The following ZEB2 variants were observed in gnomAD, a reference collection of about 807,000 sequenced individuals.
ZEB2 encodes zinc finger E-box-binding homeobox 2.
Under a neutral mutation model 99.9 loss-of-function variants are expected in ZEB2, and 6 were observed. The ratio of observed to expected loss-of-function variants is 0.06; its 90% CI spans 0.03 to 0.12. The LOEUF (loss-of-function observed/expected upper bound fraction) is 0.12. Among genes scored for constraint, ZEB2 ranks in the 10% least tolerant of loss-of-function variants. The pLI, the probability that ZEB2 is intolerant of heterozygous loss-of-function variation, is 1.00. For missense variants in ZEB2, 969 were observed against 1,502.8 expected, an observed-to-expected ratio of 0.64 and a Z score of 5.87; for synonymous variants, 517 against 542.5, an observed-to-expected ratio of 0.95 and a Z score of 0.65.
In ZEB2 at chr2:144,390,042, C is replaced by G. The variant is rs751452773; in HGVS notation, c.3068-14G>C. 1.3e-6 allele frequency: 2 copies of G among 1,599,352 alleles called. No individual in the cohort carries two copies. The highest frequency in any genetic ancestry group is 4.5e-5 in the East Asian group (2 of 44,878). Reference sequence around the variant, plus strand: ...GTGGTCTTTTTCCTGGGAGAAAGAACAAGATGACAGGGTGATTAGTGTCTT... The same window carrying G: ...GTGGTCTTTTTCCTGGGAGAAAGAAGAAGATGACAGGGTGATTAGTGTCTT... On this transcript the variant is annotated splice_polypyrimidine_tract_variant and intron_variant, in intron 9 of 9. Coordinates refer to ENST00000627532, the MANE Select transcript of ZEB2 (RefSeq NM_014795.4).
chr2:144,406,248 A>C (rs1703384963), intron 4 of ZEB2, among the ~76,000 whole-genome samples: 1 of 152,198 alleles, frequency 6.6e-6, no homozygotes, highest in Non-Finnish European at 1.5e-5. Flanking sequence ...TAATTCAACA[A>C]GTATTTTCTG....
intron 2 of ZEB2, chr2:144,503,566 A>G (rs1370889866): frequency 6.6e-6 from 1 of 152,158 alleles, no homozygotes; most frequent in Non-Finnish European, 1.5e-5. Context: ...ATCTAGTAAA[A>G]ACACCAGCCC....
rs1703346853 is a variant in ZEB2, at chr2:144,403,938, G to A, written c.785C>T (p.Thr262Ile). ...YRTQLERHMV[T>I]HKPGTDQHQM... is the part of the protein sequence containing the mutation. ...CACCTGATCTGTCCCTGGCTTGTGT[G>A]TCACCATATGCCGCTCGAGCTGGGT... is the stretch of plus-strand genomic sequence containing the variant. Residue 262 changes from threonine to isoleucine, a missense_variant, in exon 6 of 10, where the codon ACA (threonine) becomes ATA (isoleucine). Physicochemically the swap from Thr to Ile is moderately conservative, Grantham distance 89 (BLOSUM62 -1). Coordinates refer to ENST00000627532, the MANE Select transcript of ZEB2 (RefSeq NM_014795.4). The A allele has an allele frequency of 6.2e-7, 1 of 1,614,178 alleles. No individual in the cohort carries two copies. The highest frequency in any genetic ancestry group is 1.6e-4 in the Middle Eastern group (1 of 6,062).
intron 2 of ZEB2, among the ~76,000 whole-genome samples, chr2:144,501,885 A>G (rs989258520): frequency 6.6e-6 from 1 of 152,240 alleles, no homozygotes; most frequent in Non-Finnish European, 1.5e-5. Context: ...CTTGCAATCT[A>G]TGCTGTTAGC....
chr2:144,506,666 G>A (rs983706954), intron 2 of ZEB2, among the ~76,000 whole-genome samples: 24 of 151,952 alleles, frequency 1.6e-4, no homozygotes, highest in Non-Finnish European at 3.4e-4. Flanking sequence ...TAGATCACTT[G>A]GGCACTGAAT....
intron 2 of ZEB2, among the ~76,000 whole-genome samples, chr2:144,433,579 G>T (rs1433332551): frequency 1.3e-5 from 2 of 152,162 alleles, no homozygotes; most frequent in African/African-American, 4.8e-5. Context: ...TTGCTTTATA[G>T]CAAATGGGCC....
chr2:144,478,565 T>C (rs1704463323), intron 2 of ZEB2, among the ~76,000 whole-genome samples: 1 of 152,208 alleles, frequency 6.6e-6, no homozygotes. Flanking sequence ...GCTTATCAGG[T>C]ACAAGTCCAA....
chr2:144,442,889 TAACATAGTTGCACTTAGAA>T (rs1453018059), intron 2 of ZEB2, among the ~76,000 whole-genome samples: 1 of 152,218 alleles, frequency 6.6e-6, no homozygotes, highest in East Asian at 1.9e-4. Context: ...TGGAGTATTG[TAACATAGTTGCACTTAGAA>T]ATAATGGCAA....
In ZEB2 at chr2:144,385,982, A is replaced by G. The variant is rs1703077785; in HGVS notation, c.*3469T>C. The G allele has an allele frequency of 6.6e-6, 1 of 152,182 alleles. No homozygotes were observed. Among genetic ancestry groups the G allele is most frequent in the Non-Finnish European group, 1.5e-5 (1 of 68,028 alleles). 9.4% of individuals were successfully genotyped at this position (152,182 alleles called of 1,614,324 possible). A position where few individuals can be genotyped will look rare whatever the true frequency, so the allele number is the denominator to read the frequency against. On this transcript the variant is annotated 3_prime_UTR_variant, in exon 10 of 10. Transcript: ENST00000627532. ...TGTATGTTTTGTTTAGCTCTTGCGG[A>G]GAAATTCTGATACGCATCTCTCTTC...
Position 144,399,348 on chromosome 2 carries a change from G to A in ZEB2, c.1839C>T (p.Val613=), listed in dbSNP as rs751367896. The A allele has an allele frequency of 1.8e-5, 29 of 1,613,996 alleles. No individual in the cohort carries two copies. The highest frequency in any genetic ancestry group is 2.2e-5 in the Non-Finnish European group (26 of 1,180,004). ...LCKMNEEIKA[V]LQPHENIVPN... ...GGACTATGTTTTCATGAGGCTGCAG[G>A]ACCGCCTTGATCTCTTCATTCATCT... The change falls in exon 8 of 10, where the codon GTC becomes GTT. Residue 613 remains valine, a synonymous_variant. Coordinates refer to ENST00000627532, the MANE Select transcript of ZEB2 (RefSeq NM_014795.4). This position sits in a 1 kb window ranked among gnomAD's most constrained non-coding sequence, Gnocchi z 5.6.
At chr2:144,415,676 C>G (rs1703530058) in intron 4 of ZEB2, among the ~76,000 whole-genome samples, 1 of 152,220 alleles carries the variant, frequency 6.6e-6, no homozygotes, top group African/African-American at 2.4e-5. Flanking sequence ...GTTTCGTCAA[C>G]TCACTCATCA....
intron 2 of ZEB2, among the ~76,000 whole-genome samples, chr2:144,501,271 C>CT (rs1704865269): frequency 6.6e-6 from 1 of 152,190 alleles, no homozygotes; most frequent in African/African-American, 2.4e-5. Context: ...GGGCTTGTGT[C>CT]TCCCTCCAAT....
chr2:144,407,082 A>C (rs1338914304), intron 4 of ZEB2, among the ~76,000 whole-genome samples: 1 of 152,214 alleles, frequency 6.6e-6, no homozygotes, highest in Non-Finnish European at 1.5e-5. Context: ...CTAGAATTCT[A>C]AAAAGACTTG....
chr2:144,480,522 A>C (rs192196243), intron 2 of ZEB2, among the ~76,000 whole-genome samples: 23 of 152,318 alleles, frequency 1.5e-4, no homozygotes, highest in Admixed American at 3.3e-4. Flanking sequence ...TGAGTGACTT[A>C]GCATTACAAG....
chr2:144,507,423 C>T (rs891666543), intron 2 of ZEB2: 1 of 152,212 alleles, frequency 6.6e-6, no homozygotes, highest in African/African-American at 2.4e-5. Flanking sequence ...CTAGTTCTAA[C>T]CACTACTTCA....
chr2:144,384,740 A>T lies in ZEB2; in HGVS notation c.*4711T>A, dbSNP rs986940768. On this transcript the variant is annotated 3_prime_UTR_variant, in exon 10 of 10. Transcript: ENST00000627532. ...CAGCGAAGGTAACAAAGATTTAAACAGCCAACATCACAAATGTCTCAAGTT... is the reference window on the plus strand; with the variant it reads ...CAGCGAAGGTAACAAAGATTTAAACTGCCAACATCACAAATGTCTCAAGTT... The T allele has an allele frequency of 6.6e-6, 1 of 152,148 alleles. No individual in the cohort carries two copies. Among genetic ancestry groups the T allele is most frequent in the African/African-American group, 2.4e-5 (1 of 41,430 alleles). The allele number at this position is 152,148 out of a possible 1,614,324, so 9.4% of individuals were successfully genotyped here.
intron 2 of ZEB2, among the ~76,000 whole-genome samples, chr2:144,451,934 T>C (rs943554039): frequency 6.6e-6 from 1 of 152,224 alleles, no homozygotes; most frequent in African/African-American, 2.4e-5. Context: ...GTCAAGCTTT[T>C]TAAACATAAC....
In ZEB2 at chr2:144,391,682, C is replaced by A. The variant is rs377173528; in HGVS notation, c.3068-1654G>T. 6.6e-5 allele frequency among the ~76,000 whole-genome samples: 10 copies of A among 152,258 alleles called. No homozygotes were observed. In the East Asian group the frequency reaches 1.2e-3, roughly 18 times the overall value. ...GAAAAAGACAAGAGGTTTTGTCTCC[C>A]GGGAAACTTCATGTCATTATGTTAT... On this transcript the variant is annotated intron_variant, in intron 9 of 9. Transcript: ENST00000627532.
chr2:144,453,494 G>C (rs1704081325), intron 2 of ZEB2, among the ~76,000 whole-genome samples: 1 of 152,138 alleles, frequency 6.6e-6, no homozygotes. Flanking sequence ...AAACACAAAG[G>C]TGGAAAAAGA....
Sources: allele counts gnomAD v4.1 joint callset (sites outside exome capture counted in the v4.1 genomes callset), GRCh38; gene constraint gnomAD v4.1.1; non-coding constraint Gnocchi (gnomAD v3.1); transcripts MANE v1.5; gene names NCBI Gene and HGNC (gene_info 2026-07-23, HGNC 2026-07-21).